Variants in PCNX2 observed in about 807,000 individuals in gnomAD.
PCNX2 encodes pecanex-like protein 2.
A neutral mutation model predicts 223.8 loss-of-function variants in PCNX2; 168 were observed. The observed-to-expected ratio is 0.75, with a 90% CI of 0.66 to 0.85. The LOEUF (loss-of-function observed/expected upper bound fraction) is 0.85. Ranked by LOEUF, PCNX2 falls within the 40% of genes least tolerant of loss-of-function variation. PCNX2 has a pLI of 0.00. For synonymous variants in PCNX2, 1,006 were observed against 1,052.6 expected (o/e 0.96, Z 0.86); for missense variants, 2,507 against 2,675.5 (o/e 0.94, Z 1.39).
intron 25 of PCNX2, among the ~76,000 whole-genome samples, chr1:233,038,388 T>A (rs1466576899): frequency 1.3e-5 from 2 of 152,232 alleles, no homozygotes; most frequent in East Asian, 3.8e-4. Context: ...GAATATTTAA[T>A]TTGCAGTTGT....
chr1:233,152,950 A>G (rs1030657222), intron 19 of PCNX2, among the ~76,000 whole-genome samples: 4 of 152,236 alleles, frequency 2.6e-5, no homozygotes, highest in African/African-American at 7.2e-5. Flanking sequence ...GGCGAAGCAC[A>G]CTTAATATGC....
chr1:233,271,748 T>C (rs376375879), intron 1 of PCNX2, among the ~76,000 whole-genome samples: 5 of 152,372 alleles, frequency 3.3e-5, no homozygotes, highest in African/African-American at 1.2e-4. Flanking sequence ...CCCCACTTTA[T>C]GTTTTTGTTT....
At chr1:232,988,073 T>C (rs1669557738) in intron 32 of PCNX2, among the ~76,000 whole-genome samples, 1 of 152,210 alleles carries the variant, frequency 6.6e-6, no homozygotes, top group Non-Finnish European at 1.5e-5. Context: ...AATATATTCC[T>C]CTTACAGAGA....
chr1:233,080,397 CACAA>C (rs1265379924), intron 23 of PCNX2, among the ~76,000 whole-genome samples: 2 of 137,318 alleles, frequency 1.5e-5, no homozygotes, highest in East Asian at 3.9e-4. Flanking sequence ...CACACACACA[CACAA>C]ACACACACAC....
chr1:233,189,870 C>T (rs748810183), intron 15 of PCNX2, among the ~76,000 whole-genome samples: 14 of 152,044 alleles, frequency 9.2e-5, no homozygotes, highest in Non-Finnish European at 2.1e-4. Flanking sequence ...GCTATTTCTC[C>T]GAGGAGCAAA....
intron 15 of PCNX2, among the ~76,000 whole-genome samples, chr1:233,179,597 T>C (rs1044586595): frequency 6.6e-6 from 1 of 152,206 alleles, no homozygotes; most frequent in African/African-American, 2.4e-5. Context: ...AATAGACTAA[T>C]GAACTGAAAA....
chr1:233,256,499 G>A (rs903555279), intron 5 of PCNX2, among the ~76,000 whole-genome samples: 55 of 152,226 alleles, frequency 3.6e-4, no homozygotes, highest in African/African-American at 1.2e-3. Context: ...GCCTTCATGC[G>A]CTCTGGGTTA....
rs1558378148 is a variant in PCNX2 at position 233,236,971 on chromosome 1, C to A, written c.2232G>T (p.Gln744His). The A allele has an allele frequency of 6.8e-6, 11 of 1,613,918 alleles. No individual in the cohort carries two copies. The highest frequency in any genetic ancestry group is 9.3e-6 in the Non-Finnish European group (11 of 1,179,852). ...NDCLSQAREM[Q>H]VSSSSTTTSE... ...AAGTTGTGGTACTGGAGGAGCTGACCTGCATCTCTCTGAGGATGGGCAAAA... is the reference window on the plus strand; with the variant it reads ...AAGTTGTGGTACTGGAGGAGCTGACATGCATCTCTCTGAGGATGGGCAAAA... Residue 744 changes from glutamine (Q) to histidine (H), a missense_variant, in exon 9 of 34, where the codon CAG (glutamine) becomes CAT (histidine). Around this residue, in one of 3 missense-constraint regions of PCNX2, gnomAD observed 1,031 missense variants for 1,021.7 expected, o/e 1.01. Transcript: ENST00000258229.
At chr1:233,004,147 A>G (rs1214832413) in intron 28 of PCNX2, among the ~76,000 whole-genome samples, 1 of 152,212 alleles carries the variant, frequency 6.6e-6, no homozygotes, top group African/African-American at 2.4e-5. Flanking sequence ...AATTAAAAAA[A>G]AAAAGAATTC....
chr1:233,102,902 G>C (rs779516665), intron 21 of PCNX2, among the ~76,000 whole-genome samples: 2 of 152,064 alleles, frequency 1.3e-5, no homozygotes, highest in Non-Finnish European at 2.9e-5. Context: ...GGCCTCGGTT[G>C]TCTGTGCTTT....
At chr1:233,116,479 C>CTAGAAATGAA (rs1343602468) in intron 21 of PCNX2, among the ~76,000 whole-genome samples, 1 of 151,936 alleles carries the variant, frequency 6.6e-6, no homozygotes, top group Non-Finnish European at 1.5e-5. Flanking sequence ...AGAAATCAAC[C>CTAGAAATGAA]TAGAAATGAA....
chr1:233,055,453 G>A (rs938823699), intron 24 of PCNX2, among the ~76,000 whole-genome samples: 2 of 152,104 alleles, frequency 1.3e-5, no homozygotes, highest in African/African-American at 4.8e-5. Flanking sequence ...TTAGGAGTGC[G>A]TAGTGCATTT....
chr1:233,008,817 G>A lies in PCNX2; in HGVS notation c.4952+5848C>T, dbSNP rs984341441. On this transcript the variant is annotated intron_variant, in intron 28 of 33. Transcript: ENST00000258229. Reference sequence around the variant, plus strand: ...TGAGGTCAGGCCACCCAGAGCATCAGAGCCATGATGCCTGTAGCAGGTGCT... The same window carrying A: ...TGAGGTCAGGCCACCCAGAGCATCAAAGCCATGATGCCTGTAGCAGGTGCT... Among the ~76,000 whole-genome samples, 6 of 152,212 alleles carry A rather than the reference G, an allele frequency of 3.9e-5. No individual in the cohort carries two copies. The East Asian group carries it at 7.7e-4, about 20-fold the overall frequency.
chr1:233,120,399 C>A lies in PCNX2; in HGVS notation c.3837+14614G>T, dbSNP rs564162413. ...GTAAATTAAAACCACAATGAGATAT[C>A]ATTACACATCCACCAGAGTGGTTAA... On this transcript the variant is annotated intron_variant, in intron 21 of 33. Transcript: ENST00000258229. Among the ~76,000 whole-genome samples the A allele has an allele frequency of 7.2e-5, 11 of 152,146 alleles. No homozygotes were observed. In the South Asian group the frequency reaches 2.1e-3, roughly 29 times the overall value.
intron 5 of PCNX2, among the ~76,000 whole-genome samples, chr1:233,256,206 G>A (rs566656250): frequency 1.3e-4 from 20 of 152,250 alleles, no homozygotes; most frequent in African/African-American, 3.8e-4. Flanking sequence ...AAAAACTCAA[G>A]TAGGCAAACC....
intron 18 of PCNX2, among the ~76,000 whole-genome samples, chr1:233,160,671 T>A (rs544093808): frequency 6.6e-6 from 1 of 152,188 alleles, no homozygotes; most frequent in East Asian, 1.9e-4. Flanking sequence ...GCCAACAGAA[T>A]TATGCCCCTT....
chr1:233,175,319 C>G (rs1342213101), intron 17 of PCNX2, among the ~76,000 whole-genome samples: 1 of 152,126 alleles, frequency 6.6e-6, no homozygotes, highest in Non-Finnish European at 1.5e-5. Flanking sequence ...GTTATGTGCT[C>G]CACACTGTAC....
intron 13 of PCNX2, among the ~76,000 whole-genome samples, chr1:233,203,182 G>C (rs1481831679): frequency 6.6e-6 from 1 of 152,114 alleles, no homozygotes; most frequent in Non-Finnish European, 1.5e-5. Context: ...CCCCATACAG[G>C]CCATGTGGCT....
intron 33 of PCNX2, chr1:232,984,973 T>C (rs1033534966): frequency 6.5e-6 from 1 of 152,832 alleles, no homozygotes; most frequent in Non-Finnish European, 1.5e-5. Context: ...TTAACACAGA[T>C]TGGGGCATGG....
Sources: gnomAD v4.1 joint callset for allele counts (sites outside exome capture counted in the v4.1 genomes callset) on GRCh38, gnomAD v4.1.1 for gene constraint, gnomAD v4.1.1 regional missense constraint, MANE v1.5 for transcripts, NCBI Gene and HGNC (gene_info 2026-07-23, HGNC 2026-07-21) for gene names.